Variants in NHERF2 observed in about 807,000 individuals in gnomAD.
The protein encoded by NHERF2 is Na(+)/H(+) exchange regulatory cofactor NHE-RF2.
chr16:2,031,715 C>G, the NHERF2 span, among the ~76,000 whole-genome samples: 1 of 152,200 alleles, frequency 6.6e-6, no homozygotes, highest in Non-Finnish European at 1.5e-5. Flanking sequence ...CTCCCCTTCT[C>G]TCTTCTGGCA....
chr16:2,037,525 C>T, the NHERF2 span: 3 of 1,607,664 alleles, frequency 1.9e-6, no homozygotes, highest in Admixed American at 1.7e-5. Context: ...ACAATCTGCC[C>T]TTGGTTTCCC....
the NHERF2 span, chr16:2,037,683 G>A: frequency 1.9e-6 from 3 of 1,564,884 alleles, no homozygotes; most frequent in Admixed American, 3.8e-5. Context: ...GTCAGCCCGG[G>A]CAGTGGGGTC....
the NHERF2 span, chr16:2,038,703 G>C: frequency 7.9e-4 from 169 of 213,704 alleles, no homozygotes; most frequent in Middle Eastern, 3.5e-3. Context: ...GTGCGCCTGT[G>C]CCCTGCTGGG....
the NHERF2 span, among the ~76,000 whole-genome samples, chr16:2,031,694 A>G: frequency 6.0e-4 from 92 of 152,266 alleles, no homozygotes; most frequent in Non-Finnish European, 1.1e-3. Context: ...GGGGCACCCA[A>G]GGAACAGGGT....
chr16:2,031,666 G>C, the NHERF2 span, among the ~76,000 whole-genome samples: 1 of 152,286 alleles, frequency 6.6e-6, no homozygotes, highest in African/African-American at 2.4e-5. Flanking sequence ...GCTGGGGACA[G>C]GGGCTCCAGG....
the NHERF2 span, chr16:2,038,231 GAGAGAGAGACACAGAGAGAGAC>G: frequency 1.7e-6 from 1 of 590,180 alleles, no homozygotes; most frequent in Non-Finnish European, 3.0e-6. Flanking sequence ...CAGAGAGAGA[GAGAGAGAGACACAGAGAGAGAC>G]AGAGAGAGAG....
the NHERF2 span, chr16:2,035,612 C>A: frequency 4.1e-6 from 4 of 986,374 alleles, no homozygotes; most frequent in Non-Finnish European, 4.8e-6. Flanking sequence ...CCCTGGCCCA[C>A]CCCCTGGCTG....
the NHERF2 span, chr16:2,033,549 A>G: frequency 2.7e-6 from 3 of 1,106,304 alleles, no homozygotes; most frequent in South Asian, 1.6e-5. Context: ...CTGAGCAACA[A>G]TGAAGGCCTT....
chr16:2,038,123 G>A, the NHERF2 span: 6 of 1,099,880 alleles, frequency 5.5e-6, no homozygotes, highest in African/African-American at 6.3e-5. Flanking sequence ...GCCCCGGTGA[G>A]CCCCCATCCT....
At chr16:2,031,952 A>G in the NHERF2 span, among the ~76,000 whole-genome samples, 13 of 151,536 alleles carry the variant, frequency 8.6e-5, no homozygotes, top group Non-Finnish European at 1.9e-4. Context: ...TCGACCTCCC[A>G]AAGTTCTGGG....
the NHERF2 span, among the ~76,000 whole-genome samples, chr16:2,032,381 G>C: frequency 1.3e-5 from 2 of 152,246 alleles, no homozygotes; most frequent in Admixed American, 1.3e-4. This position sits in a 1 kb window ranked among gnomAD's most constrained non-coding sequence, Gnocchi z 4.0. Context: ...GGCCTCACCT[G>C]ACCTCCACAG....
chr16:2,036,500 T>C, the NHERF2 span: 1 of 1,584,776 alleles, frequency 6.3e-7, no homozygotes, highest in East Asian at 2.3e-5. Flanking sequence ...ACCGGCTCAT[T>C]GAGGTACCGG....
chr16:2,035,294 C>G, the NHERF2 span: 5 of 620,136 alleles, frequency 8.1e-6, no homozygotes, highest in Non-Finnish European at 1.0e-5. Flanking sequence ...GGGTTTGGAG[C>G]GAGCTTGAAG....
chr16:2,037,089 G>C, the NHERF2 span: 1 of 1,450,474 alleles, frequency 6.9e-7, no homozygotes, highest in Non-Finnish European at 9.4e-7. Context: ...ATCCGTCCTC[G>C]AGGTGTGCTA....
the NHERF2 span, among the ~76,000 whole-genome samples, chr16:2,031,371 C>A: frequency 6.6e-6 from 1 of 152,178 alleles, no homozygotes; most frequent in Non-Finnish European, 1.5e-5. Context: ...CTCCCTCTTT[C>A]CCAGCCACCT....
chr16:2,036,981 G>A, the NHERF2 span: 1 of 1,552,020 alleles, frequency 6.4e-7, no homozygotes, highest in Non-Finnish European at 8.7e-7. Context: ...CGTCACCAAT[G>A]GAACCAGCCC....
At chr16:2,027,185 C>T in the NHERF2 span, 18 of 1,451,678 alleles carry the variant, frequency 1.2e-5, no homozygotes, top group Admixed American at 3.3e-4. Flanking sequence ...TCGAGGTCAA[C>T]GGCGTCAACG....
chr16:2,036,952 C>T, the NHERF2 span: 1 of 1,560,194 alleles, frequency 6.4e-7, no homozygotes, highest in Non-Finnish European at 8.7e-7. Flanking sequence ...GCTGTCCCCA[C>T]AGGTCCTCTG....
At chr16:2,032,190 T>TTG in the NHERF2 span, among the ~76,000 whole-genome samples, 1 of 152,078 alleles carries the variant, frequency 6.6e-6, no homozygotes. This position sits in a 1 kb window ranked among gnomAD's most constrained non-coding sequence, Gnocchi z 4.0. Flanking sequence ...TGGCTAATTT[T>TTG]TGTGTTTTTG....
Sources: allele counts gnomAD v4.1 joint callset (sites outside exome capture counted in the v4.1 genomes callset), GRCh38; gene constraint gnomAD v4.1.1; non-coding constraint Gnocchi (gnomAD v3.1); transcripts MANE v1.5; gene names NCBI Gene and HGNC (gene_info 2026-07-23, HGNC 2026-07-21).